The following GRIP1 variants were observed in gnomAD, a reference collection of about 807,000 sequenced individuals.
The protein encoded by GRIP1 is glutamate receptor-interacting protein 1.
A neutral mutation model predicts 129.9 loss-of-function variants in GRIP1; 45 were observed. The ratio of observed to expected loss-of-function variants is 0.35; its 90% CI spans 0.27 to 0.44. GRIP1 has a LOEUF of 0.44. GRIP1 is among the 20% of genes least tolerant of loss of function. The pLI, the probability that GRIP1 is intolerant of heterozygous loss-of-function variation, is 1.00. For synonymous variants in GRIP1, 530 were observed against 520.8 expected, an observed-to-expected ratio of 1.02 and a Z score of -0.24; for missense variants, 1,196 against 1,396.8, an observed-to-expected ratio of 0.86 and a Z score of 2.29.
At chr12:66,777,057 T>C (rs2038004743) in intron 1 of GRIP1, among the ~76,000 whole-genome samples, 1 of 152,174 alleles carries the variant, frequency 6.6e-6, no homozygotes, top group South Asian at 2.1e-4. Context: ...AAGAGAAGAC[T>C]GGTAAATACA....
intron 1 of GRIP1, among the ~76,000 whole-genome samples, chr12:67,038,454 A>G (rs988216755): frequency 7.9e-5 from 12 of 152,330 alleles, no homozygotes; most frequent in South Asian, 4.1e-4. Flanking sequence ...CACAATGTAC[A>G]TTGATATAAA....
At chr12:67,023,042 T>C (rs2042891242) in intron 1 of GRIP1, among the ~76,000 whole-genome samples, 1 of 152,220 alleles carries the variant, frequency 6.6e-6, no homozygotes, top group African/African-American at 2.4e-5. Flanking sequence ...GAGTTCTTTA[T>C]ATATCTAGAT....
At chr12:66,627,927 G>C (rs910409377) in intron 1 of GRIP1, among the ~76,000 whole-genome samples, 1 of 152,190 alleles carries the variant, frequency 6.6e-6, no homozygotes, top group Non-Finnish European at 1.5e-5. Flanking sequence ...TGGAGAGCAG[G>C]AGTGTGAGGA....
chr12:66,875,450 C>A (rs1755921932), intron 1 of GRIP1, among the ~76,000 whole-genome samples: 1 of 152,076 alleles, frequency 6.6e-6, no homozygotes, highest in African/African-American at 2.4e-5. Flanking sequence ...AAAATCCCAT[C>A]TTCATGCAAG....
At chr12:66,564,723 AC>A (rs2062681090) in intron 2 of GRIP1, among the ~76,000 whole-genome samples, 1 of 152,156 alleles carries the variant, frequency 6.6e-6, no homozygotes, top group African/African-American at 2.4e-5. Context: ...CAATGGTTGA[AC>A]TAGTTTACAG....
At chr12:66,444,916 G>C (rs2058578545) in intron 12 of GRIP1, among the ~76,000 whole-genome samples, 187 bp from the exon 13 acceptor site, 1 of 152,164 alleles carries the variant, frequency 6.6e-6, no homozygotes, top group Admixed American at 6.5e-5. Context: ...TTATAATTGT[G>C]AGCAGGGGAA....
At chr12:66,701,155 C>T (rs2035337756) in intron 1 of GRIP1, among the ~76,000 whole-genome samples, 1 of 152,132 alleles carries the variant, frequency 6.6e-6, no homozygotes, top group Non-Finnish European at 1.5e-5. Context: ...CTACACACAT[C>T]CATTATGGTC....
chr12:67,013,961 G>A (rs2042747030), intron 1 of GRIP1, among the ~76,000 whole-genome samples: 1 of 152,190 alleles, frequency 6.6e-6, no homozygotes, highest in African/African-American at 2.4e-5. Flanking sequence ...AGAATTCTGG[G>A]ACAAAGATGC....
chr12:66,471,964 T>C (rs2059451523), intron 7 of GRIP1, among the ~76,000 whole-genome samples: 1 of 152,196 alleles, frequency 6.6e-6, no homozygotes, highest in Admixed American at 6.5e-5. Flanking sequence ...TTTCTCTCAC[T>C]TAGGTTTTGA....
chr12:66,581,150 G>A (rs2063361043), intron 2 of GRIP1, among the ~76,000 whole-genome samples: 1 of 152,142 alleles, frequency 6.6e-6, no homozygotes, highest in African/African-American at 2.4e-5. Context: ...GCTCCTGAAT[G>A]ACTACTGGGT....
intron 19 of GRIP1, among the ~76,000 whole-genome samples, chr12:66,379,944 C>T (rs1205340094): frequency 6.6e-6 from 1 of 152,154 alleles, no homozygotes; most frequent in Non-Finnish European, 1.5e-5. Flanking sequence ...CTTGCTCTGT[C>T]ATCCAGGATG....
intron 1 of GRIP1, among the ~76,000 whole-genome samples, chr12:66,887,482 T>C (rs1233691907): frequency 1.3e-5 from 2 of 152,212 alleles, no homozygotes; most frequent in Non-Finnish European, 2.9e-5. Flanking sequence ...AAGGAGCCTA[T>C]TAATGTTAGT....
rs73333054 is a variant in GRIP1 at position 66,945,982 on chromosome 12, C to A, written c.58+123068G>T. Reference sequence around the variant, plus strand: ...TGAACCTCAGCAAAGGCCCAGATGCCCAATTCCTCAATTCCTCCCCTTCCT... The same window carrying A: ...TGAACCTCAGCAAAGGCCCAGATGCACAATTCCTCAATTCCTCCCCTTCCT... On this transcript the variant is annotated intron_variant, in intron 1 of 1. Coordinates refer to the GRIP1 transcript ENST00000643019. 4.7e-3 allele frequency among the ~76,000 whole-genome samples: 715 copies of A among 152,232 alleles called. 6 individuals carry two copies. The highest frequency in any genetic ancestry group is 0.017 in the African/African-American group (687 of 41,538).
chr12:66,405,356 C>T (rs1004651929), intron 16 of GRIP1, among the ~76,000 whole-genome samples: 2 of 152,114 alleles, frequency 1.3e-5, no homozygotes, highest in African/African-American at 4.8e-5. Flanking sequence ...ATATCACATT[C>T]TGTAATTCCC....
intron 2 of GRIP1, among the ~76,000 whole-genome samples, chr12:66,549,147 C>T (rs1374239266): frequency 2.0e-5 from 3 of 152,090 alleles, no homozygotes; most frequent in African/African-American, 7.2e-5. Flanking sequence ...GCTGTATCTC[C>T]AGCATCTAGA....
intron 15 of GRIP1, among the ~76,000 whole-genome samples, chr12:66,408,309 T>C (rs1426763486): frequency 6.6e-6 from 1 of 151,986 alleles, no homozygotes; most frequent in Non-Finnish European, 1.5e-5. Context: ...TGAAACTCGG[T>C]CTGTACTAAA....
chr12:66,893,699 AT>A (rs1251056101), intron 1 of GRIP1, among the ~76,000 whole-genome samples: 11 of 152,238 alleles, frequency 7.2e-5, no homozygotes, highest in African/African-American at 2.7e-4. Flanking sequence ...GCAAACATAC[AT>A]TCTTATTTCT....
intron 1 of GRIP1, among the ~76,000 whole-genome samples, chr12:67,059,908 C>CA (rs2043501846): frequency 6.6e-6 from 1 of 152,198 alleles, no homozygotes; most frequent in Non-Finnish European, 1.5e-5. Flanking sequence ...AATACTATAG[C>CA]AATTTCACAT....
intron 7 of GRIP1, among the ~76,000 whole-genome samples, chr12:66,498,646 T>C (rs1455522004): frequency 6.6e-6 from 1 of 152,172 alleles, no homozygotes; most frequent in Non-Finnish European, 1.5e-5. Flanking sequence ...CAATGTATTA[T>C]GTTAGAGAAA....
Sources: allele counts gnomAD v4.1 joint callset (sites outside exome capture counted in the v4.1 genomes callset), GRCh38; gene constraint gnomAD v4.1.1; transcripts MANE v1.5; gene names NCBI Gene and HGNC (gene_info 2026-07-23, HGNC 2026-07-21).